Variants in SDK1 observed in about 807,000 individuals in gnomAD.
The protein encoded by SDK1 is sidekick cell adhesion molecule 1.
A neutral mutation model predicts 245.5 loss-of-function variants in SDK1; 157 were observed. That is an observed-to-expected ratio of 0.64 (90% CI 0.56 to 0.73). SDK1 has a LOEUF of 0.73. Ranked by LOEUF, SDK1 falls within the 30% of genes least tolerant of loss-of-function variation. The pLI, the probability that SDK1 is intolerant of heterozygous loss-of-function variation, is 0.00. For missense variants in SDK1, 3,583 were observed against 3,002.3 expected (o/e 1.19, Z -4.52); for synonymous variants, 1,647 against 1,278.5 (o/e 1.29, Z -6.15).
chr7:3,691,033 A>C (rs1784425388), intron 4 of SDK1, among the ~76,000 whole-genome samples: 1 of 152,190 alleles, frequency 6.6e-6, no homozygotes, highest in Non-Finnish European at 1.5e-5. Context: ...AAAGAAAATT[A>C]TTTGGAAGAA....
At chr7:4,118,203 T>C (rs780461734) in intron 25 of SDK1, among the ~76,000 whole-genome samples, 56 of 152,218 alleles carry the variant, frequency 3.7e-4, no homozygotes, top group Admixed American at 7.2e-4. Context: ...GGGATTTATA[T>C]CTAGAATATA....
chr7:3,522,193 C>T (rs1052633435), intron 1 of SDK1, among the ~76,000 whole-genome samples: 2 of 152,008 alleles, frequency 1.3e-5, no homozygotes, highest in Non-Finnish European at 2.9e-5. Flanking sequence ...CAGAATGATG[C>T]ATCTTTCTCC....
At chr7:3,363,170 C>CT (rs1780998894) in intron 1 of SDK1, among the ~76,000 whole-genome samples, 1 of 152,210 alleles carries the variant, frequency 6.6e-6, no homozygotes, top group Non-Finnish European at 1.5e-5. Flanking sequence ...AACCATGAAT[C>CT]TGTTCTCCAT....
At chr7:3,764,659 G>A (rs1206535636) in intron 4 of SDK1, among the ~76,000 whole-genome samples, 1 of 151,900 alleles carries the variant, frequency 6.6e-6, no homozygotes, top group African/African-American at 2.4e-5. Context: ...TCTAGCCTGG[G>A]CGACAGAGTG....
chr7:3,910,799 G>A (rs1562530180), intron 5 of SDK1, among the ~76,000 whole-genome samples: 1 of 152,114 alleles, frequency 6.6e-6, no homozygotes. Flanking sequence ...TGCATCCCTC[G>A]TGATCAATTA....
rs533170029 is a variant in SDK1, at chr7:3,998,818, C to T, written c.2131+11496C>T. 7.2e-5 allele frequency among the ~76,000 whole-genome samples: 11 copies of T among 152,302 alleles called. No individual in the cohort carries two copies. In the East Asian group the frequency reaches 1.9e-3, roughly 27 times the overall value. ...TCCACGTGGAGTTCCGTGCAGTCGG[C>T]GTCTCCACTGCCTAGGGAGTGCTGG... On this transcript the variant is annotated intron_variant, in intron 14 of 44. Transcript: ENST00000404826.
chr7:4,150,916 G>A (rs976911264), intron 30 of SDK1, among the ~76,000 whole-genome samples: 1 of 152,268 alleles, frequency 6.6e-6, no homozygotes, highest in Non-Finnish European at 1.5e-5. Context: ...GAGCTGTGAA[G>A]CTGGAACTGT....
chr7:3,987,402 C>T, intron 14 of SDK1, 80 bp downstream of exon 14: 14 of 1,445,546 alleles, frequency 9.7e-6, no homozygotes, highest in Non-Finnish European at 1.3e-5. Flanking sequence ...ACCTTTACTT[C>T]TGGGTCAGAC....
intron 1 of SDK1, among the ~76,000 whole-genome samples, chr7:3,477,332 A>G (rs1205997367): frequency 6.7e-6 from 1 of 148,894 alleles, no homozygotes; most frequent in Non-Finnish European, 1.5e-5. Context: ...AGTAGCTGGG[A>G]TTACAGGCGT....
chr7:4,115,811 T>C (rs531021580), intron 25 of SDK1, among the ~76,000 whole-genome samples: 5 of 152,244 alleles, frequency 3.3e-5, no homozygotes, highest in Non-Finnish European at 7.4e-5. Context: ...TTGTTTTCAG[T>C]AGAAAAATTA....
At chr7:3,666,794 G>A (rs1394609241) in intron 4 of SDK1, among the ~76,000 whole-genome samples, 4 of 152,176 alleles carry the variant, frequency 2.6e-5, no homozygotes, top group Non-Finnish European at 5.9e-5. Context: ...TGATGTCAGT[G>A]GTGAGATCAG....
chr7:3,549,246 A>C (rs2341578), intron 1 of SDK1, among the ~76,000 whole-genome samples: 91,594 of 152,072 alleles, frequency 0.6, 27,985 homozygotes, highest in South Asian at 0.78. Flanking sequence ...TCTATGAGTT[A>C]TAGTCTTCCT....
chr7:3,834,562 G>A (rs6979937), intron 5 of SDK1, among the ~76,000 whole-genome samples: 45,565 of 152,040 alleles, frequency 0.3, 8,584 homozygotes, highest in African/African-American at 0.53. Context: ...AGGGGGTTGG[G>A]GTAGAACAGC....
intron 1 of SDK1, among the ~76,000 whole-genome samples, chr7:3,387,091 A>G (rs1781627457): frequency 6.6e-6 from 1 of 152,138 alleles, no homozygotes; most frequent in African/African-American, 2.4e-5. Flanking sequence ...CTTGGCTGAC[A>G]CGCCTCTGAA....
At chr7:4,039,467 G>A (rs10265219) in intron 17 of SDK1, among the ~76,000 whole-genome samples, 47,723 of 151,974 alleles carry the variant, frequency 0.31, 11,727 homozygotes, top group African/African-American at 0.69. Context: ...AACTTTTCAA[G>A]ATATTTTGAT....
At chr7:3,804,010 T>C (rs185247472) in intron 4 of SDK1, among the ~76,000 whole-genome samples, 95 of 152,228 alleles carry the variant, frequency 6.2e-4, no homozygotes, top group South Asian at 4.6e-3. Context: ...GTGATCCACC[T>C]GCCTTGGCCT....
intron 1 of SDK1, among the ~76,000 whole-genome samples, chr7:3,320,680 C>T (rs933404570): frequency 1.3e-5 from 2 of 152,052 alleles, no homozygotes; most frequent in East Asian, 1.9e-4. Flanking sequence ...TCATGGCCAT[C>T]CCAGAATAAG....
chr7:3,864,083 G>T (rs1016402039), intron 5 of SDK1, among the ~76,000 whole-genome samples: 1 of 152,096 alleles, frequency 6.6e-6, no homozygotes, highest in East Asian at 1.9e-4. Context: ...TCATATCCTT[G>T]CCAGCACTTA....
intron 1 of SDK1, among the ~76,000 whole-genome samples, chr7:3,615,361 A>G (rs995919755): frequency 1.3e-5 from 2 of 151,676 alleles, no homozygotes; most frequent in African/African-American, 4.8e-5. Context: ...AATTGGACAC[A>G]TGGCTACATT....
Sources: gnomAD v4.1 joint callset for allele counts (sites outside exome capture counted in the v4.1 genomes callset) on GRCh38, gnomAD v4.1.1 for gene constraint, MANE v1.5 for transcripts, NCBI Gene and HGNC (gene_info 2026-07-23, HGNC 2026-07-21) for gene names.